SLC7A6: variants seen among roughly 807,000 people sequenced by gnomAD.
The protein encoded by SLC7A6 is Y+L amino acid transporter 2.
SLC7A6 carries 29 observed loss-of-function variants against 46.6 expected under a neutral mutation model. That is an observed-to-expected ratio of 0.62 (90% CI 0.46 to 0.85). The LOEUF is 0.85. Ranked by LOEUF, SLC7A6 falls within the 40% of genes least tolerant of loss-of-function variation. The pLI, the probability that SLC7A6 is intolerant of heterozygous loss-of-function variation, is 0.00. For missense variants in SLC7A6, 527 were observed against 647.6 expected, an observed-to-expected ratio of 0.81 and a Z score of 2.02; for synonymous variants, 276 against 257.3, an observed-to-expected ratio of 1.07 and a Z score of -0.70.
chr16:68,292,018 T>C (rs2043066368), intron 7 of SLC7A6: 1 of 235,540 alleles, frequency 4.2e-6, no homozygotes, highest in Admixed American at 5.3e-5. Context: ...CATGTTTCCA[T>C]CTGAGATGAG....
chr16:68,294,671 A>T (rs753206328), intron 7 of SLC7A6, 34 bp from the exon 8 acceptor site: 1 of 1,461,378 alleles, frequency 6.8e-7, no homozygotes, highest in South Asian at 1.1e-5. Flanking sequence ...AAAAGGAGTA[A>T]AGGATCCTGC....
intron 7 of SLC7A6, chr16:68,291,920 C>G (rs2043063283): frequency 9.3e-6 from 4 of 430,266 alleles, no homozygotes; most frequent in Non-Finnish European, 1.7e-5. Context: ...GTGTTGATAG[C>G]TCATATTTAT....
chr16:68,287,305 G>C lies in SLC7A6; in HGVS notation c.524-441G>C, dbSNP rs1485846734. ...ATTTTTACACTTAATGCAAAACACT[G>C]TCTCTCTAATTTCTTAGGTAACCTG... On this transcript the variant is annotated intron_variant, in intron 3 of 10. Transcript: ENST00000219343. 3.1e-6 allele frequency: 4 copies of C among 1,287,950 alleles called. No individual in the cohort carries two copies. The East Asian group carries it at 1.7e-4, about 54-fold the overall frequency. 79.8% of individuals were successfully genotyped at this position (1,287,950 alleles called of 1,614,324 possible).
intron 4 of SLC7A6, 187 bp from the exon 5 acceptor site, chr16:68,290,209 T>C: frequency 1.7e-6 from 1 of 601,284 alleles, no homozygotes; most frequent in East Asian, 2.8e-5. Context: ...TAAATTATGT[T>C]TTTTTTTCTT....
rs1161143120 is a variant in SLC7A6 at position 68,276,362 on chromosome 16, C to G, written c.523+1113C>G. ...ACCCAGAATTCTATGTTCCTTAGCA[C>G]TGTACTGCCAGAGGTACTTAATAAT... On this transcript the variant is annotated intron_variant, in intron 3 of 10. Coordinates refer to ENST00000219343, the MANE Select transcript of SLC7A6 (RefSeq NM_003983.6). 2.0e-5 allele frequency among the ~76,000 whole-genome samples: 3 copies of G among 152,370 alleles called. 1 individual carries two copies. In the East Asian group the frequency reaches 5.8e-4, roughly 29 times the overall value.
At position 68,296,348 on chromosome 16, in the gene SLC7A6, C is replaced by G; in HGVS notation, c.1120-16C>G. 1.2e-6 allele frequency: 2 copies of G among 1,613,634 alleles called. No homozygotes were observed. The highest frequency in any genetic ancestry group is 1.7e-6 in the Non-Finnish European group (2 of 1,179,926). On this transcript the variant is annotated splice_polypyrimidine_tract_variant and intron_variant, in intron 8 of 10. Coordinates refer to ENST00000219343, the MANE Select transcript of SLC7A6 (RefSeq NM_003983.6). ...TGGTGACGATGCTCACCTGTCTCCCCACCCCTTTCCCACAGTGCACCATGG... is the reference window on the plus strand; with the variant it reads ...TGGTGACGATGCTCACCTGTCTCCCGACCCCTTTCCCACAGTGCACCATGG...
intron 7 of SLC7A6, chr16:68,292,420 C>G (rs116457455): frequency 6.6e-6 from 1 of 152,276 alleles, no homozygotes; most frequent in Non-Finnish European, 1.5e-5. Context: ...TGGGTGCTCA[C>G]TTGGAGCCAG....
At chr16:68,290,945 A>G (rs1369199906) in intron 5 of SLC7A6, 3 of 506,266 alleles carry the variant, frequency 5.9e-6, no homozygotes, top group African/African-American at 5.8e-5. Flanking sequence ...CTGAGATCAC[A>G]GATGCAGGAG....
At chr16:68,296,578 G>A in intron 9 of SLC7A6, 49 bp from the exon 10 acceptor site, 1 of 1,613,588 alleles carries the variant, frequency 6.2e-7, no homozygotes, top group Non-Finnish European at 8.5e-7. Flanking sequence ...TTGCCCACGA[G>A]CTGTTTCCTC....
intron 1 of SLC7A6, among the ~76,000 whole-genome samples, chr16:68,266,298 G>A (rs552995408): frequency 2.0e-5 from 3 of 152,080 alleles, no homozygotes; most frequent in South Asian, 4.2e-4. Context: ...CGGTGCCCAC[G>A]GGACCTGGGG....
At chr16:68,281,434 C>T (rs1344772042) in intron 3 of SLC7A6, among the ~76,000 whole-genome samples, 1 of 152,152 alleles carries the variant, frequency 6.6e-6, no homozygotes, top group Non-Finnish European at 1.5e-5. Context: ...ATGCACAGAA[C>T]AGCTTCTCAC....
At chr16:68,286,091 C>CA (rs1165671231) in intron 3 of SLC7A6, among the ~76,000 whole-genome samples, 7,568 of 43,330 alleles carry the variant, frequency 0.17, 567 homozygotes, top group South Asian at 0.28. Context: ...GACCCTGTCT[C>CA]AAAAAAAAAA....
intron 7 of SLC7A6, among the ~76,000 whole-genome samples, chr16:68,294,358 A>G (rs1224965976): frequency 1.3e-5 from 2 of 152,154 alleles, no homozygotes; most frequent in Non-Finnish European, 2.9e-5. Flanking sequence ...GTTAGCTATG[A>G]ATCTGGCATG....
chr16:68,288,781 T>C (rs774466725), intron 4 of SLC7A6, among the ~76,000 whole-genome samples: 4 of 151,752 alleles, frequency 2.6e-5, no homozygotes, highest in Admixed American at 6.6e-5. Flanking sequence ...CTGACCAACA[T>C]AGAGAAACCC....
chr16:68,294,743 A>G lies in SLC7A6; in HGVS notation c.1061A>G (p.Asp354Gly). 6.2e-7 allele frequency: 1 copy of G among 1,614,008 alleles called. No homozygotes were observed. The highest frequency in any genetic ancestry group is 8.5e-7 in the Non-Finnish European group (1 of 1,179,966). ...GGCTCCCGGGAGGGCCACCTACCGG[A>G]CCTTCTGTCCATGATCCACATTGAG... ...FVGSREGHLP[D>G]LLSMIHIERF... Residue 354 changes from aspartate to glycine, a missense_variant, in exon 8 of 11, where the codon GAC becomes GGC. Transcript: ENST00000219343.
intron 1 of SLC7A6, chr16:68,265,494 G>A (rs2042514395): frequency 6.6e-6 from 1 of 152,184 alleles, no homozygotes; most frequent in South Asian, 2.1e-4. Context: ...AGCCAGGGCA[G>A]CTCATCTCGC....
rs182306496 is a variant in SLC7A6, at chr16:68,280,187, A to G, written c.523+4938A>G. Among the ~76,000 whole-genome samples the G allele has an allele frequency of 8.3e-4, 126 of 152,356 alleles. No individual in the cohort carries two copies. In the East Asian group the frequency reaches 0.021, roughly 25 times the overall value. ...AGGTTATTTAGGGGAAAGAAATGAAAGGTCTGCACTGAATCTAGGGTAAGA... is the reference window on the plus strand; with the variant it reads ...AGGTTATTTAGGGGAAAGAAATGAAGGGTCTGCACTGAATCTAGGGTAAGA... On this transcript the variant is annotated intron_variant, in intron 3 of 10. Coordinates refer to ENST00000219343, the MANE Select transcript of SLC7A6 (RefSeq NM_003983.6).
In SLC7A6 at chr16:68,299,980, G is replaced by A. The variant is rs1388024505; in HGVS notation, c.*2652G>A. The A allele has an allele frequency of 6.6e-6, 1 of 152,140 alleles. No individual in the cohort carries two copies. Among genetic ancestry groups the A allele is most frequent in the Admixed American group, 6.5e-5 (1 of 15,272 alleles). 9.4% of individuals were successfully genotyped at this position (152,140 alleles called of 1,614,324 possible). The stretch of plus-strand genomic sequence containing the variant: ...GAATGATGGCAGGTAGGATGAAGGA[G>A]AGATACTTAGGAAATCCTAAAAGAG... On this transcript the variant is annotated 3_prime_UTR_variant, in exon 11 of 11. Transcript: ENST00000219343.
In SLC7A6 at chr16:68,300,614, C is replaced by G; in HGVS notation, c.*3286C>G. 1.0e-6 allele frequency: 1 copy of G among 985,158 alleles called. No individual in the cohort carries two copies. Among genetic ancestry groups the G allele is most frequent in the Non-Finnish European group, 1.2e-6 (1 of 829,654 alleles). The allele number at this position is 985,158 out of a possible 1,614,324, so 61.0% of individuals were successfully genotyped here. A position where few individuals can be genotyped will look rare whatever the true frequency, so the allele number is the denominator to read the frequency against. On this transcript the variant is annotated 3_prime_UTR_variant, in exon 11 of 11. Transcript: ENST00000219343. Reference sequence around the variant, plus strand: ...TAAAAGGTTTTCAAAGAATTACTTTCTTCCATGTTCAAAGCTAGATTTTAC... The same window carrying G: ...TAAAAGGTTTTCAAAGAATTACTTTGTTCCATGTTCAAAGCTAGATTTTAC...
Sources: gnomAD v4.1 joint callset for allele counts (sites outside exome capture counted in the v4.1 genomes callset) on GRCh38, gnomAD v4.1.1 for gene constraint, MANE v1.5 for transcripts, NCBI Gene and HGNC (gene_info 2026-07-23, HGNC 2026-07-21) for gene names.